ESYT2: variants seen among roughly 807,000 people sequenced by gnomAD.
ESYT2 encodes the protein extended synaptotagmin 2.
In ESYT2, 54 loss-of-function variants were observed where a neutral mutation model predicts 107.2. The observed-to-expected ratio is 0.50, with a 90% confidence interval of 0.40 to 0.63. The LOEUF is 0.63. Among genes scored for constraint, ESYT2 ranks in the 30% least tolerant of loss-of-function variants. ESYT2 has a pLI of 0.00. For missense variants in ESYT2, 1,020 were observed against 1,094.5 expected (o/e 0.93, Z 0.96); for synonymous variants, 491 against 434.1 (o/e 1.13, Z -1.63).
chr7:158,743,238 C>T (rs1009211996), intron 17 of ESYT2, among the ~76,000 whole-genome samples: 3 of 152,152 alleles, frequency 2.0e-5, no homozygotes, highest in South Asian at 2.1e-4. Context: ...CAAAGGATAA[C>T]GGTAAGGTTG....
At chr7:158,788,457 A>T (rs1234984073) in intron 4 of ESYT2, 40 bp from the exon 5 acceptor site, 1 of 1,494,494 alleles carries the variant, frequency 6.7e-7, no homozygotes, top group African/African-American at 1.4e-5. Flanking sequence ...AAGTGAAATG[A>T]ACTATTCTCT....
Position 158,741,632 on chromosome 7 carries a change from C to A in ESYT2, c.2059G>T (p.Ala687Ser), listed in dbSNP as rs1008310519. Residue 687 changes from alanine to serine, a missense_variant, in exon 18 of 23, where the codon GCC becomes TCC. Physicochemically the swap from Ala to Ser is moderately conservative, Grantham distance 99. Transcript: ENST00000275418. ...DLGRSSSSLL[A>S]SPGHISVKEP... Reference sequence around the variant, plus strand: ...TTGACTGAGATGTGGCCTGGGGAGGCCAGGAGGCTGGAGGAGCTTCTGCCC... The same window carrying A: ...TTGACTGAGATGTGGCCTGGGGAGGACAGGAGGCTGGAGGAGCTTCTGCCC... 7 of 1,613,410 alleles carry A rather than the reference C, an allele frequency of 4.3e-6. No homozygotes were observed. The highest frequency in any genetic ancestry group is 4.2e-6 in the Non-Finnish European group (5 of 1,179,978).
chr7:158,781,311 C>G (rs1189210), intron 6 of ESYT2, among the ~76,000 whole-genome samples: 141,535 of 151,540 alleles, frequency 0.93, 66,066 homozygotes, highest in East Asian at 0.95. Flanking sequence ...GTGAGAACAA[C>G]TGTGAGAGTG....
intron 6 of ESYT2, among the ~76,000 whole-genome samples, chr7:158,784,207 G>A (rs1839029929): frequency 2.0e-5 from 3 of 152,182 alleles, no homozygotes; most frequent in Non-Finnish European, 4.4e-5. Context: ...CCAGAAAGTC[G>A]GGGAAAAGAG....
chr7:158,749,850 C>G (rs1318980538), intron 14 of ESYT2, 127 bp from the exon 15 acceptor site: 2 of 827,964 alleles, frequency 2.4e-6, no homozygotes, highest in East Asian at 5.5e-5. Flanking sequence ...AAGGGAATAT[C>G]TGGGAACAAT....
In ESYT2 at chr7:158,764,664, C is replaced by A; in HGVS notation, c.1101+13G>T. The A allele has an allele frequency of 2.5e-6, 4 of 1,612,242 alleles. No individual in the cohort carries two copies. The highest frequency in any genetic ancestry group is 3.4e-6 in the Non-Finnish European group (4 of 1,178,916). Reference sequence around the variant, plus strand: ...CCCACCACCCCAGCAACACAGCAGACACGACACCCCACCTCATAGACTTCA... The same window carrying A: ...CCCACCACCCCAGCAACACAGCAGAAACGACACCCCACCTCATAGACTTCA... On this transcript the variant is annotated intron_variant, in intron 9 of 22. Coordinates refer to ENST00000275418, the MANE Select transcript of ESYT2 (RefSeq NM_001367773.1).
At chr7:158,792,160 CTTTT>C (rs113589859) in intron 4 of ESYT2, among the ~76,000 whole-genome samples, 3 of 123,344 alleles carry the variant, frequency 2.4e-5, no homozygotes, top group Non-Finnish European at 1.7e-5. Context: ...TCCACGAGTT[CTTTT>C]TTTTTTTTTT....
chr7:158,760,197 A>G (rs758522645), intron 11 of ESYT2, 50 bp from the exon 12 acceptor site: 1 of 1,548,656 alleles, frequency 6.5e-7, no homozygotes, highest in Non-Finnish European at 8.9e-7. Flanking sequence ...TGAATCAAAA[A>G]TCCAAATTAA....
intron 1 of ESYT2, among the ~76,000 whole-genome samples, chr7:158,803,528 G>C (rs1839705934): frequency 6.6e-6 from 1 of 152,176 alleles, no homozygotes; most frequent in Non-Finnish European, 1.5e-5. Context: ...AAATAATTCA[G>C]TCTGGAGAAA....
In ESYT2 at chr7:158,800,368, C is replaced by T. The variant is rs113207018; in HGVS notation, c.331-1296G>A. The stretch of plus-strand genomic sequence containing the variant: ...GGCCAAGGATATTTTATTTTAGCCC[C>T]AATGGCAGAGAAAATATTTTCTTTC... On this transcript the variant is annotated intron_variant, in intron 1 of 22. Coordinates refer to ENST00000275418, the MANE Select transcript of ESYT2 (RefSeq NM_001367773.1). Among the ~76,000 whole-genome samples, 26 of 152,088 alleles carry T rather than the reference C, an allele frequency of 1.7e-4. 3 individuals are homozygous for T. The highest frequency in any genetic ancestry group is 6.3e-4 in the African/African-American group (26 of 41,506).
At chr7:158,798,417 C>T (rs149108170) in intron 2 of ESYT2, among the ~76,000 whole-genome samples, 58 of 151,962 alleles carry the variant, frequency 3.8e-4, no homozygotes, top group African/African-American at 1.4e-3. Context: ...GAGGCTGAAG[C>T]GGGTGGATCA....
At chr7:158,827,175 AAAAG>A (rs1337777972) in intron 1 of ESYT2, among the ~76,000 whole-genome samples, 8 of 151,796 alleles carry the variant, frequency 5.3e-5, no homozygotes, top group Non-Finnish European at 1.2e-4. Flanking sequence ...AAAAAAAAAA[AAAAG>A]AAAAGAAAAA....
chr7:158,829,045 G>T, intron 1 of ESYT2, 44 bp downstream of exon 1: 1 of 1,565,288 alleles, frequency 6.4e-7, no homozygotes, highest in Non-Finnish European at 8.6e-7. Flanking sequence ...GGGGAGATCG[G>T]GACTGGTGGT....
chr7:158,743,170 T>C (rs576832488), intron 17 of ESYT2, among the ~76,000 whole-genome samples: 1 of 152,328 alleles, frequency 6.6e-6, no homozygotes, highest in African/African-American at 2.4e-5. Flanking sequence ...GAACAACCTT[T>C]GAAAAGTTAA....
chr7:158,734,363 G>A, intron 22 of ESYT2, 59 bp downstream of exon 22: 1 of 1,610,904 alleles, frequency 6.2e-7, no homozygotes. Context: ...TACCCACTGG[G>A]CGGGGAAAGC....
intron 20 of ESYT2, among the ~76,000 whole-genome samples, chr7:158,736,672 GCTTA>G (rs767553706): frequency 1.8e-4 from 28 of 152,182 alleles, no homozygotes; most frequent in South Asian, 4.2e-4. Context: ...GATGTTTGGG[GCTTA>G]CTGTTATTTA....
chr7:158,797,184 T>A (rs996388203), intron 3 of ESYT2, among the ~76,000 whole-genome samples: 11 of 152,224 alleles, frequency 7.2e-5, no homozygotes, highest in Non-Finnish European at 1.3e-4. Flanking sequence ...TCTCGCTCTG[T>A]CACTCAGGCT....
At chr7:158,743,797 G>C (rs1260875612) in intron 16 of ESYT2, 119 bp from the exon 17 acceptor site, 7 of 1,159,716 alleles carry the variant, frequency 6.0e-6, no homozygotes, top group Non-Finnish European at 8.1e-6. Flanking sequence ...AATGTAGAAA[G>C]GGGCCAGGTG....
chr7:158,829,149 C>T lies in ESYT2; in HGVS notation c.270G>A (p.Leu90=). 2 of 1,561,512 alleles carry T rather than the reference C, an allele frequency of 1.3e-6. No homozygotes were observed. The highest frequency in any genetic ancestry group is 1.4e-5 in the African/African-American group (1 of 72,588). ...GCACGACGCGCTCCTCGTCTTCCAG[C>T]AGCGCCAGCGCGCGGCACAGGCGCA... ...KALRLCRALA[L]LEDEERVVRL... Residue 90 remains leucine (L), a synonymous_variant, in exon 1 of 23, where the codon CTG becomes CTA. Coordinates refer to ENST00000275418, the MANE Select transcript of ESYT2 (RefSeq NM_001367773.1).
Sources: gnomAD v4.1 joint callset for allele counts (sites outside exome capture counted in the v4.1 genomes callset) on GRCh38, gnomAD v4.1.1 for gene constraint, MANE v1.5 for transcripts, NCBI Gene and HGNC (gene_info 2026-07-23, HGNC 2026-07-21) for gene names.